Variants in ARL8B observed in about 807,000 individuals in gnomAD.
ARL8B encodes the protein ARF like GTPase 8B, also known as ADP-ribosylation factor-like protein 8B.
Under a neutral mutation model 30.6 loss-of-function variants are expected in ARL8B, and 9 were observed. The observed-to-expected ratio is 0.29, with a 90% CI of 0.18 to 0.51. The LOEUF is 0.51. Among genes scored for constraint, ARL8B ranks in the 20% least tolerant of loss-of-function variants. ARL8B has a pLI of 0.97. For missense variants in ARL8B, 130 were observed against 227.2 expected, an observed-to-expected ratio of 0.57 and a Z score of 2.75; for synonymous variants, 74 against 76.0, an observed-to-expected ratio of 0.97 and a Z score of 0.14.
At chr3:5,174,589 C>G (rs1228075162) in intron 6 of ARL8B, among the ~76,000 whole-genome samples, 175 bp downstream of exon 6, 1 of 150,244 alleles carries the variant, frequency 6.7e-6, no homozygotes, top group African/African-American at 2.4e-5. Context: ...AGTGAACCTT[C>G]ACTTAACATC....
chr3:5,167,684 G>T (rs951540616), intron 1 of ARL8B, among the ~76,000 whole-genome samples: 1 of 152,116 alleles, frequency 6.6e-6, no homozygotes, highest in Non-Finnish European at 1.5e-5. Flanking sequence ...TCATTTCATT[G>T]GGTTGTTATA....
chr3:5,153,577 G>A (rs751450149), intron 1 of ARL8B, among the ~76,000 whole-genome samples: 27 of 151,926 alleles, frequency 1.8e-4, no homozygotes, highest in Middle Eastern at 3.4e-3. Flanking sequence ...GGACTAATAC[G>A]TACACCTACC....
At chr3:5,171,430 CA>C in intron 2 of ARL8B, among the ~76,000 whole-genome samples, 1 of 152,082 alleles carries the variant, frequency 6.6e-6, no homozygotes, top group East Asian at 1.9e-4. Context: ...CGGCTCACTG[CA>C]ACCTCCGACT....
chr3:5,146,151 C>T (rs906498413), intron 1 of ARL8B, among the ~76,000 whole-genome samples: 1 of 152,128 alleles, frequency 6.6e-6, no homozygotes, highest in Non-Finnish European at 1.5e-5. Context: ...GTTGTTTTCT[C>T]CCAGTTGTAG....
chr3:5,175,076 C>G (rs2054717039), intron 6 of ARL8B, among the ~76,000 whole-genome samples: 2 of 152,012 alleles, frequency 1.3e-5, no homozygotes, highest in African/African-American at 4.8e-5. Context: ...GTTGGGATTA[C>G]AGGTGTGAGC....
intron 1 of ARL8B, among the ~76,000 whole-genome samples, chr3:5,129,700 C>T (rs1260120960): frequency 6.6e-6 from 1 of 152,086 alleles, no homozygotes; most frequent in Non-Finnish European, 1.5e-5. Flanking sequence ...GCGTATGTCA[C>T]TACGCCTGGC....
At chr3:5,127,835 T>C (rs62253637) in intron 1 of ARL8B, among the ~76,000 whole-genome samples, 15,437 of 126,798 alleles carry the variant, frequency 0.12, 913 homozygotes, top group Middle Eastern at 0.19. Flanking sequence ...ATTGCGCCAC[T>C]GCACTCCAGC....
In ARL8B at chr3:5,133,829, C is replaced by T. The variant is rs542045902; in HGVS notation, c.123+11241C>T. Among the ~76,000 whole-genome samples, 3 of 152,046 alleles carry T rather than the reference C, an allele frequency of 2.0e-5. No homozygotes were observed. In the South Asian group the frequency reaches 6.2e-4, roughly 32 times the overall value. ...GCTGCGTGTCTGTGGTCCTAGCTGC[C>T]GGGGAGGCATAGGTGGTAAGGGGAT... On this transcript the variant is annotated intron_variant, in intron 1 of 6. Coordinates refer to ENST00000256496, the MANE Select transcript of ARL8B (RefSeq NM_018184.3).
chr3:5,122,351 C>A lies in ARL8B; in HGVS notation c.-115C>A. On this transcript the variant is annotated 5_prime_UTR_variant, in exon 1 of 7. Transcript: ENST00000256496. ...GCCGCCCGCCGGTGTCCGCCCGTGT[C>A]GCGCCGGGGCACCAAGGAGCCGTTG... 6.4e-7 allele frequency: 1 copy of A among 1,552,262 alleles called. No homozygotes were observed. The highest frequency in any genetic ancestry group is 8.7e-7 in the Non-Finnish European group (1 of 1,150,896).
intron 1 of ARL8B, among the ~76,000 whole-genome samples, chr3:5,140,434 C>T (rs780157171): frequency 2.6e-4 from 39 of 152,094 alleles, no homozygotes; most frequent in African/African-American, 8.9e-4. Flanking sequence ...CATCTTGTGC[C>T]GTGATTGTGA....
rs1285702519 is a variant in ARL8B, at chr3:5,180,616, C to T, written c.*1903C>T. 1 of 152,662 alleles carries T rather than the reference C, an allele frequency of 6.6e-6. No individual in the cohort carries two copies. The highest frequency in any genetic ancestry group is 1.5e-5 in the Non-Finnish European group (1 of 68,038). 9.5% of individuals were successfully genotyped at this position (152,662 alleles called of 1,614,324 possible). A position where few individuals can be genotyped will look rare whatever the true frequency, so the allele number is the denominator to read the frequency against. ...TACCAACATTTTCCTGTGCATTAACCTCTGCATGTGAAAACTTTTAACAGT... is the reference window on the plus strand; with the variant it reads ...TACCAACATTTTCCTGTGCATTAACTTCTGCATGTGAAAACTTTTAACAGT... On this transcript the variant is annotated 3_prime_UTR_variant, in exon 7 of 7. Coordinates refer to ENST00000256496, the MANE Select transcript of ARL8B (RefSeq NM_018184.3).
At chr3:5,169,063 T>C (rs1271675942) in intron 1 of ARL8B, among the ~76,000 whole-genome samples, 24 of 152,208 alleles carry the variant, frequency 1.6e-4, no homozygotes, top group Admixed American at 1.6e-3. Context: ...CCTCCCTGTA[T>C]GATGACTAGT....
chr3:5,164,033 A>G (rs2106567738), intron 1 of ARL8B, among the ~76,000 whole-genome samples: 1 of 152,336 alleles, frequency 6.6e-6, no homozygotes, highest in African/African-American at 2.4e-5. Context: ...CCCTCTGTAT[A>G]TCAAAATCTG....
At chr3:5,125,561 C>T (rs888145511) in intron 1 of ARL8B, among the ~76,000 whole-genome samples, 2 of 145,810 alleles carry the variant, frequency 1.4e-5, no homozygotes, top group Non-Finnish European at 3.0e-5. Flanking sequence ...GAGACGGAGT[C>T]CCGCTGTGTT....
At chr3:5,133,094 A>C (rs1037852363) in intron 1 of ARL8B, among the ~76,000 whole-genome samples, 1 of 127,022 alleles carries the variant, frequency 7.9e-6, no homozygotes, top group Non-Finnish European at 1.6e-5. Flanking sequence ...TGCCGATATC[A>C]TGTGGGGAAA....
chr3:5,155,890 T>TTG (rs147206469), intron 1 of ARL8B, among the ~76,000 whole-genome samples: 54,108 of 147,290 alleles, frequency 0.37, 10,944 homozygotes, highest in African/African-American at 0.57. Context: ...AAGATAATTT[T>TTG]TGTGTGTGTG....
At chr3:5,161,422 G>A (rs957084750) in intron 1 of ARL8B, among the ~76,000 whole-genome samples, 3 of 152,222 alleles carry the variant, frequency 2.0e-5, no homozygotes, top group African/African-American at 7.2e-5. Flanking sequence ...CAATGTTTGA[G>A]TGGTTTGCAA....
intron 1 of ARL8B, among the ~76,000 whole-genome samples, chr3:5,169,422 C>A (rs1414995497): frequency 1.3e-5 from 2 of 151,728 alleles, no homozygotes; most frequent in African/African-American, 4.8e-5. Flanking sequence ...AGTTGAATTG[C>A]TGGATCATAT....
intron 1 of ARL8B, among the ~76,000 whole-genome samples, chr3:5,158,576 G>C (rs2054551940): frequency 6.6e-6 from 1 of 152,186 alleles, no homozygotes; most frequent in African/African-American, 2.4e-5. Flanking sequence ...ATAGGCAAGA[G>C]GTAACGTCAG....
Sources: allele counts gnomAD v4.1 joint callset (sites outside exome capture counted in the v4.1 genomes callset), GRCh38; gene constraint gnomAD v4.1.1; transcripts MANE v1.5; gene names NCBI Gene and HGNC (gene_info 2026-07-23, HGNC 2026-07-21).